Variants in CPQ observed in about 807,000 individuals in gnomAD.
The protein encoded by CPQ is carboxypeptidase Q, also known as Ser-Met dipeptidase.
Under a neutral mutation model 45.7 loss-of-function variants are expected in CPQ, and 37 were observed. The ratio of observed to expected loss-of-function variants is 0.81; its 90% CI spans 0.62 to 1.07. The LOEUF (loss-of-function observed/expected upper bound fraction) is 1.07. CPQ is among the 50% of genes least tolerant of loss of function. The pLI, the probability that CPQ is intolerant of heterozygous loss-of-function variation, is 0.00. For synonymous variants in CPQ, 186 were observed against 205.8 expected (o/e 0.90, Z 0.82); for missense variants, 537 against 572.9 (o/e 0.94, Z 0.64).
At chr8:97,064,376 C>A (rs1233505709) in intron 6 of CPQ, among the ~76,000 whole-genome samples, 6 of 152,076 alleles carry the variant, frequency 3.9e-5, no homozygotes, top group Non-Finnish European at 7.4e-5. Flanking sequence ...GTTAAATGAG[C>A]CCTGAATGTA....
In CPQ at chr8:96,834,971, A is replaced by G; in HGVS notation, c.434-2A>G. 3.1e-6 allele frequency: 5 copies of G among 1,610,280 alleles called. No individual in the cohort carries two copies. The highest frequency in any genetic ancestry group is 4.2e-6 in the Non-Finnish European group (5 of 1,178,440). On this transcript the variant is annotated splice_acceptor_variant, in intron 2 of 7. Coordinates refer to ENST00000220763, the MANE Select transcript of CPQ (RefSeq NM_016134.4). LOFTEE classifies it high-confidence loss of function. ...TTAATCTTGCATGACTTTTATTTCT[A>G]GGCATTACAGCAGAAGTTCTGGTGG...
rs1441643563 is a variant in CPQ at position 97,111,095 on chromosome 8, A to G, written c.1256-31925A>G. ...TCTTACCTGTGGAACACCGCAGGGT[A>G]TTTTTGTCCATCCTAACTTTCAATA... On this transcript the variant is annotated intron_variant, in intron 7 of 7. Coordinates refer to ENST00000220763, the MANE Select transcript of CPQ (RefSeq NM_016134.4). Among the ~76,000 whole-genome samples the G allele has an allele frequency of 4.6e-5, 7 of 152,238 alleles. No homozygotes were observed. The East Asian group carries it at 1.4e-3, about 29-fold the overall frequency.
intron 2 of CPQ, among the ~76,000 whole-genome samples, chr8:96,831,344 A>T (rs1394526465): frequency 1.1e-4 from 17 of 152,208 alleles, no homozygotes; most frequent in Non-Finnish European, 1.3e-4. Flanking sequence ...TGTAAAAAAA[A>T]TTAAACAAGC....
At chr8:96,669,429 G>A (rs1298905442) in intron 1 of CPQ, among the ~76,000 whole-genome samples, 1 of 152,156 alleles carries the variant, frequency 6.6e-6, no homozygotes, top group African/African-American at 2.4e-5. Context: ...ATCTGGCATT[G>A]ATGAGGCAGT....
chr8:96,835,487 G>C (rs190750399), intron 3 of CPQ, among the ~76,000 whole-genome samples: 1 of 152,118 alleles, frequency 6.6e-6, no homozygotes, highest in Non-Finnish European at 1.5e-5. Flanking sequence ...GAAGAACTGC[G>C]TTCATGTCTG....
chr8:96,656,969 G>C (rs569650871), intron 1 of CPQ, among the ~76,000 whole-genome samples: 14 of 152,098 alleles, frequency 9.2e-5, no homozygotes, highest in African/African-American at 3.1e-4. Context: ...GGGCTTTCTG[G>C]GAAGTGTCTC....
chr8:96,917,567 CT>C (rs1812749698), intron 4 of CPQ, among the ~76,000 whole-genome samples: 1 of 152,056 alleles, frequency 6.6e-6, no homozygotes, highest in African/African-American at 2.4e-5. Context: ...AACCCTGGTT[CT>C]TTTTAGTGGA....
intron 4 of CPQ, among the ~76,000 whole-genome samples, chr8:96,930,102 GAAATGAA>G (rs1812950774): frequency 6.6e-6 from 1 of 152,148 alleles, no homozygotes; most frequent in African/African-American, 2.4e-5. Flanking sequence ...TATGGCAACA[GAAATGAA>G]AAATGAAAAT....
intron 4 of CPQ, among the ~76,000 whole-genome samples, chr8:96,929,701 T>C (rs1359254430): frequency 6.6e-6 from 1 of 152,240 alleles, no homozygotes; most frequent in Non-Finnish European, 1.5e-5. Context: ...ATACTTTTAC[T>C]GTAGTCTCTT....
intron 2 of CPQ, among the ~76,000 whole-genome samples, chr8:96,787,767 C>T (rs143698353): frequency 0.016 from 2,484 of 151,462 alleles, 22 homozygotes; most frequent in Middle Eastern, 0.034. Context: ...TCAGTTTCTT[C>T]TTGAGTCAGT....
intron 4 of CPQ, among the ~76,000 whole-genome samples, chr8:96,953,063 A>G (rs537999360): frequency 6.9e-4 from 105 of 152,264 alleles, no homozygotes; most frequent in Non-Finnish European, 1.3e-3. Flanking sequence ...TATTAGTAGT[A>G]TAATATAATG....
intron 1 of CPQ, among the ~76,000 whole-genome samples, chr8:96,744,896 C>G (rs1371062376): frequency 6.6e-6 from 1 of 151,866 alleles, no homozygotes; most frequent in Non-Finnish European, 1.5e-5. Flanking sequence ...TGTTGCACAT[C>G]CCTTGGTTGA....
chr8:97,020,478 C>G (rs961605379), intron 5 of CPQ, among the ~76,000 whole-genome samples: 35 of 151,838 alleles, frequency 2.3e-4, no homozygotes, highest in Admixed American at 2.3e-3. Context: ...AGACCATTAG[C>G]AAGATTAAAC....
At chr8:97,020,427 A>C (rs1455007189) in intron 5 of CPQ, among the ~76,000 whole-genome samples, 1 of 152,162 alleles carries the variant, frequency 6.6e-6, no homozygotes, top group African/African-American at 2.4e-5. Context: ...AAGATAAATG[A>C]AACAAAAAGC....
chr8:96,970,858 C>T (rs186187607), intron 5 of CPQ, among the ~76,000 whole-genome samples: 8 of 152,156 alleles, frequency 5.3e-5, no homozygotes, highest in African/African-American at 1.4e-4. Context: ...CCACCGCGCC[C>T]GGCCACTCTT....
chr8:97,012,041 A>G (rs1376741417), intron 5 of CPQ, among the ~76,000 whole-genome samples: 1 of 152,206 alleles, frequency 6.6e-6, no homozygotes, highest in Non-Finnish European at 1.5e-5. Context: ...GGTGATGATG[A>G]TAAGAATAAT....
intron 1 of CPQ, among the ~76,000 whole-genome samples, chr8:96,703,016 T>C (rs1809487792): frequency 6.6e-6 from 1 of 152,160 alleles, no homozygotes; most frequent in Admixed American, 6.6e-5. Flanking sequence ...GTGAGTACAA[T>C]GTTAATGAAT....
At chr8:96,868,853 G>A (rs930476974) in intron 3 of CPQ, among the ~76,000 whole-genome samples, 2 of 151,722 alleles carry the variant, frequency 1.3e-5, no homozygotes, top group African/African-American at 4.8e-5. Flanking sequence ...ATATTCCACT[G>A]AAATTGAACA....
rs1044941199 is a variant in CPQ, at chr8:97,143,275, A to T, written c.*92A>T. On this transcript the variant is annotated 3_prime_UTR_variant, in exon 8 of 8. Transcript: ENST00000220763. ...TCCTCTTCACATAACAATTTCATCC[A>T]ATTCATCTTCAAAGCACAACTCTAT... 15 of 1,185,484 alleles carry T rather than the reference A, an allele frequency of 1.3e-5. No homozygotes were observed. The highest frequency in any genetic ancestry group is 5.7e-5 in the South Asian group (4 of 70,434). The allele number at this position is 1,185,484 out of a possible 1,614,324, so 73.4% of individuals were successfully genotyped here. A position where few individuals can be genotyped will look rare whatever the true frequency, so the allele number is the denominator to read the frequency against.
Sources: gnomAD v4.1 joint callset for allele counts (sites outside exome capture counted in the v4.1 genomes callset) on GRCh38, gnomAD v4.1.1 for gene constraint, MANE v1.5 for transcripts, NCBI Gene and HGNC (gene_info 2026-07-23, HGNC 2026-07-21) for gene names.